Variants in RGS6 observed in about 807,000 individuals in gnomAD.
RGS6 encodes the protein regulator of G-protein signaling 6.
In RGS6, 30 loss-of-function variants were observed where a neutral mutation model predicts 78.5. The observed-to-expected ratio is 0.38, with a 90% confidence interval of 0.29 to 0.52. The LOEUF (loss-of-function observed/expected upper bound fraction) is 0.52. Among genes scored for constraint, RGS6 ranks in the 20% least tolerant of loss-of-function variants. RGS6 has a pLI of 0.85. For synonymous variants in RGS6, 206 were observed against 206.0 expected (o/e 1.00, Z 0.00); for missense variants, 495 against 609.7 (o/e 0.81, Z 1.98).
chr14:72,199,201 C>T (rs910467803), intron 2 of RGS6, among the ~76,000 whole-genome samples: 1 of 152,164 alleles, frequency 6.6e-6, no homozygotes, highest in Non-Finnish European at 1.5e-5. Context: ...TAGTTTGGGG[C>T]TGTGGCAATT....
At chr14:72,526,107 CTT>C (rs368041148) in intron 15 of RGS6, among the ~76,000 whole-genome samples, 6 of 143,306 alleles carry the variant, frequency 4.2e-5, no homozygotes, top group Admixed American at 7.0e-5. Context: ...TACTTTTCTT[CTT>C]TTTTTTTTTT....
At chr14:72,515,590 T>A (rs1352174762) in intron 14 of RGS6, 1 of 152,268 alleles carries the variant, frequency 6.6e-6, no homozygotes, top group African/African-American at 2.4e-5. Flanking sequence ...AGCTTGAACC[T>A]GAGAGGCGGA....
At chr14:71,916,869 T>C in the RGS6 span, among the ~76,000 whole-genome samples, 1 of 152,180 alleles carries the variant, frequency 6.6e-6, no homozygotes, top group African/African-American at 2.4e-5. Context: ...CCTGGATGCA[T>C]GGCCTGGGAT....
chr14:72,187,022 T>C (rs910810591), intron 2 of RGS6, among the ~76,000 whole-genome samples: 3 of 152,212 alleles, frequency 2.0e-5, no homozygotes, highest in Non-Finnish European at 1.5e-5. Flanking sequence ...ATTTAGACTT[T>C]CTGCTTTGTA....
chr14:72,577,010 G>A, the RGS6 span, among the ~76,000 whole-genome samples: 1 of 152,180 alleles, frequency 6.6e-6, no homozygotes, highest in Non-Finnish European at 1.5e-5. Flanking sequence ...AATCTGTATA[G>A]TGAGGCTGCA....
intron 3 of RGS6, among the ~76,000 whole-genome samples, chr14:72,446,031 G>A (rs1597626089): frequency 1.3e-5 from 2 of 152,302 alleles, no homozygotes; most frequent in East Asian, 3.9e-4. Flanking sequence ...GGCCAAGGCA[G>A]GAGGATCACT....
chr14:72,117,184 G>A lies in RGS6; in HGVS notation c.84+152309G>A, dbSNP rs116343995. Among the ~76,000 whole-genome samples the A allele has an allele frequency of 3.6e-3, 541 of 152,246 alleles. 5 individuals are homozygous for A. Among genetic ancestry groups the A allele is most frequent in the African/African-American group, 0.013 (521 of 41,544 alleles). ...GGCATGTTGAAATAGCAAAAAGGCT[G>A]GGAGACTTGCAGCATGGGTGATATG... is the stretch of plus-strand genomic sequence containing the variant. On this transcript the variant is annotated intron_variant, in intron 2 of 17. Coordinates refer to ENST00000553525, the MANE Select transcript of RGS6 (RefSeq NM_001204424.2).
rs56081815 is a variant in RGS6 at position 72,431,525 on chromosome 14, A to ATTTAT, written c.185-22968_185-22964dup. 9.6e-3 allele frequency among the ~76,000 whole-genome samples: 1,419 copies of ATTTAT among 147,632 alleles called. 9 individuals carry two copies. The highest frequency in any genetic ancestry group is 0.017 in the Middle Eastern group (5 of 294). ...GCACCACCACACTTTATTTTGTTTT[A>ATTTAT]TTTATTTTATTTTATTTTATTTTAT... On this transcript the variant is annotated intron_variant, in intron 3 of 17. Coordinates refer to ENST00000553525, the MANE Select transcript of RGS6 (RefSeq NM_001204424.2).
intron 2 of RGS6, among the ~76,000 whole-genome samples, chr14:72,340,569 A>AAC (rs1480304221): frequency 6.6e-6 from 1 of 152,138 alleles, no homozygotes; most frequent in East Asian, 1.9e-4. Context: ...ATCTGGGGGC[A>AAC]TCACTTTGAC....
At chr14:72,267,844 G>T (rs1051011128) in intron 2 of RGS6, among the ~76,000 whole-genome samples, 4 of 152,106 alleles carry the variant, frequency 2.6e-5, no homozygotes, top group African/African-American at 9.7e-5. Context: ...ATGTATTTTT[G>T]TCCTCACAGC....
chr14:72,455,943 T>G (rs955700969), intron 4 of RGS6, among the ~76,000 whole-genome samples: 3 of 152,242 alleles, frequency 2.0e-5, no homozygotes, highest in African/African-American at 7.2e-5. Context: ...TCGTTGTATT[T>G]CTGACATATA....
chr14:72,600,209 T>C, the RGS6 span, among the ~76,000 whole-genome samples: 1 of 152,010 alleles, frequency 6.6e-6, no homozygotes, highest in African/African-American at 2.4e-5. Flanking sequence ...CCTGGGAAAG[T>C]ACACGAACAA....
chr14:72,492,948 T>A (rs1482744697), intron 12 of RGS6, among the ~76,000 whole-genome samples: 1 of 152,158 alleles, frequency 6.6e-6, no homozygotes, highest in East Asian at 1.9e-4. Flanking sequence ...AAATATTTAC[T>A]ATCTAGGCCC....
intron 13 of RGS6, among the ~76,000 whole-genome samples, chr14:72,499,493 T>G (rs2096691111): frequency 6.6e-6 from 1 of 152,190 alleles, no homozygotes; most frequent in African/African-American, 2.4e-5. Context: ...GACACTCAGC[T>G]ATTTTCTTCT....
At chr14:72,076,216 A>G (rs2094569005) in intron 2 of RGS6, among the ~76,000 whole-genome samples, 1 of 152,220 alleles carries the variant, frequency 6.6e-6, no homozygotes, top group Non-Finnish European at 1.5e-5. Flanking sequence ...TCACTCCGCC[A>G]TGATTGAAAG....
chr14:72,594,756 C>CT, the RGS6 span: 4 of 152,170 alleles, frequency 2.6e-5, no homozygotes, highest in African/African-American at 9.7e-5. Flanking sequence ...ACCTCTCTTC[C>CT]TTTTATTCAT....
chr14:72,539,924 T>C, intron 16 of RGS6, 117 bp from the exon 17 acceptor site: 1 of 874,588 alleles, frequency 1.1e-6, no homozygotes, highest in Non-Finnish European at 1.7e-6. Context: ...TTCGCCCCAT[T>C]TTGCTTTGGT....
intron 5 of RGS6, among the ~76,000 whole-genome samples, chr14:72,459,091 G>A (rs2095708663): frequency 6.6e-6 from 1 of 152,168 alleles, no homozygotes; most frequent in Non-Finnish European, 1.5e-5. Context: ...ACCTAAGTGA[G>A]CCTGATAGCA....
chr14:72,152,620 T>A (rs1442199208), intron 2 of RGS6, among the ~76,000 whole-genome samples: 2 of 152,160 alleles, frequency 1.3e-5, no homozygotes, highest in Admixed American at 6.5e-5. Flanking sequence ...ATATGTCAGG[T>A]CAAGTACACT....
Sources: gnomAD v4.1 joint callset for allele counts (sites outside exome capture counted in the v4.1 genomes callset) on GRCh38, gnomAD v4.1.1 for gene constraint, MANE v1.5 for transcripts, NCBI Gene and HGNC (gene_info 2026-07-23, HGNC 2026-07-21) for gene names.